Variants in CNST observed in about 807,000 individuals in gnomAD.
CNST encodes the protein consortin.
In CNST, 39 loss-of-function variants were observed where a neutral mutation model predicts 72.4. That is an observed-to-expected ratio of 0.54 (90% CI 0.42 to 0.70). The LOEUF (loss-of-function observed/expected upper bound fraction) is 0.70. CNST is among the 30% of genes least tolerant of loss of function. The probability of loss-of-function intolerance (pLI) is 0.00; values close to 1 mark genes in which losing one functional copy is unlikely to be tolerated. For synonymous variants in CNST, 332 were observed against 320.1 expected (o/e 1.04, Z -0.40); for missense variants, 871 against 868.5 (o/e 1.00, Z -0.04).
In CNST at chr1:246,591,314, C is replaced by T. The variant is rs184811843; in HGVS notation, c.-51-198C>T. On this transcript the variant is annotated intron_variant, in intron 1 of 10. Coordinates refer to ENST00000366513, the MANE Select transcript of CNST (RefSeq NM_152609.3). ...CAGGTGATCATCATGAGGAGACAGGCTTGACACCTGTAGTATTCATGTGAG... is the reference window on the plus strand; with the variant it reads ...CAGGTGATCATCATGAGGAGACAGGTTTGACACCTGTAGTATTCATGTGAG... Among the ~76,000 whole-genome samples the T allele has an allele frequency of 4.1e-3, 629 of 152,218 alleles. 1 individual carries two copies. Among genetic ancestry groups the T allele is most frequent in the Admixed American group, 0.015 (232 of 15,288 alleles).
intron 1 of CNST, among the ~76,000 whole-genome samples, chr1:246,570,476 A>G (rs1396950119): frequency 2.0e-5 from 3 of 152,254 alleles, no homozygotes; most frequent in Admixed American, 2.0e-4. Context: ...TAATACAGGA[A>G]ACATGCCCTC....
chr1:246,611,627 T>C (rs1019990752), intron 2 of CNST, among the ~76,000 whole-genome samples: 8 of 152,182 alleles, frequency 5.3e-5, no homozygotes. Flanking sequence ...AGCACAGATA[T>C]TGAAGTCTCA....
chr1:246,652,772 A>C (rs1265354758), intron 9 of CNST, among the ~76,000 whole-genome samples: 1 of 138,812 alleles, frequency 7.2e-6, no homozygotes, highest in South Asian at 2.5e-4. Context: ...TGGGAGGCCA[A>C]GGCGGGCGGA....
At chr1:246,653,949 C>A (rs543282651) in intron 9 of CNST, among the ~76,000 whole-genome samples, 1 of 152,190 alleles carries the variant, frequency 6.6e-6, no homozygotes, top group Non-Finnish European at 1.5e-5. Flanking sequence ...AAGGTTTCCA[C>A]GCCTTGTCTG....
chr1:246,640,924 G>A (rs1030052538), intron 6 of CNST, among the ~76,000 whole-genome samples: 1 of 152,120 alleles, frequency 6.6e-6, no homozygotes, highest in East Asian at 1.9e-4. Flanking sequence ...CTCTGAGCAA[G>A]GTACAAGATA....
At chr1:246,607,448 A>T (rs747370626) in intron 2 of CNST, 1 of 152,184 alleles carries the variant, frequency 6.6e-6, no homozygotes, top group Admixed American at 6.5e-5. Flanking sequence ...ACCACGGGTG[A>T]TTTTCGGGGG....
intron 6 of CNST, among the ~76,000 whole-genome samples, chr1:246,634,969 C>CGGGGTGCGTGTCTTCCGGCT (rs1553381641): frequency 6.6e-6 from 1 of 151,166 alleles, no homozygotes; most frequent in African/African-American, 2.4e-5. Flanking sequence ...GTCTTCCGGC[C>CGGGGTGCGTGTCTTCCGGCT]GGGGTGCGTG....
At chr1:246,595,792 A>T (rs1452336100) in intron 2 of CNST, among the ~76,000 whole-genome samples, 3 of 152,202 alleles carry the variant, frequency 2.0e-5, no homozygotes, top group African/African-American at 4.8e-5. Context: ...AAAATAAAGT[A>T]AATTTATTCA....
intron 6 of CNST, among the ~76,000 whole-genome samples, chr1:246,636,292 G>A (rs1375605030): frequency 2.0e-5 from 3 of 152,048 alleles, no homozygotes; most frequent in Admixed American, 6.6e-5. Flanking sequence ...GGATATGCAC[G>A]CCGTCCCTCT....
chr1:246,623,029 G>T (rs1052407309), intron 3 of CNST, among the ~76,000 whole-genome samples: 3 of 152,034 alleles, frequency 2.0e-5, no homozygotes, highest in Admixed American at 6.6e-5. Context: ...CACCATGTTG[G>T]CCAGGCTGGT....
intron 1 of CNST, among the ~76,000 whole-genome samples, chr1:246,589,694 T>A (rs1176252336): frequency 1.3e-5 from 2 of 152,234 alleles, no homozygotes; most frequent in Admixed American, 6.5e-5. Flanking sequence ...TGCCATACTG[T>A]CTTCCACAAT....
chr1:246,650,294 T>C (rs1325080564), intron 9 of CNST, among the ~76,000 whole-genome samples: 1 of 152,202 alleles, frequency 6.6e-6, no homozygotes, highest in East Asian at 1.9e-4. Flanking sequence ...CATAATGGTC[T>C]CCTTTCCTAA....
At chr1:246,657,683 A>C (rs1666844814) in intron 9 of CNST, among the ~76,000 whole-genome samples, 1 of 152,192 alleles carries the variant, frequency 6.6e-6, no homozygotes. Context: ...TGACTTCCAC[A>C]GCCAAACACC....
chr1:246,642,763 A>G (rs189777560), intron 8 of CNST, among the ~76,000 whole-genome samples: 10 of 138,280 alleles, frequency 7.2e-5, no homozygotes, highest in African/African-American at 2.8e-4. Flanking sequence ...GAGCCCTAAT[A>G]TTGAAGAGGA....
intron 2 of CNST, among the ~76,000 whole-genome samples, chr1:246,610,242 C>G (rs1663218813): frequency 1.3e-5 from 2 of 152,168 alleles, no homozygotes; most frequent in South Asian, 4.1e-4. Context: ...GATCGTGCCA[C>G]TGCACTCCAG....
intron 9 of CNST, among the ~76,000 whole-genome samples, chr1:246,653,301 T>G (rs960009692): frequency 1.3e-5 from 2 of 152,216 alleles, no homozygotes; most frequent in African/African-American, 4.8e-5. Context: ...TCAGGGAAGT[T>G]ACTTTACGAC....
intron 1 of CNST, among the ~76,000 whole-genome samples, chr1:246,590,342 G>T (rs1471699850): frequency 1.3e-5 from 2 of 152,108 alleles, no homozygotes; most frequent in African/African-American, 4.8e-5. Context: ...TAGGTCAGGG[G>T]TTAATATTAT....
intron 1 of CNST, among the ~76,000 whole-genome samples, chr1:246,583,942 C>CT (rs965942687): frequency 3.3e-5 from 5 of 151,728 alleles, no homozygotes; most frequent in African/African-American, 4.8e-5. Flanking sequence ...TGTAACTGTA[C>CT]TTTTTTTTTC....
intron 1 of CNST, among the ~76,000 whole-genome samples, chr1:246,583,607 A>C (rs962481045): frequency 6.6e-6 from 1 of 152,130 alleles, no homozygotes; most frequent in African/African-American, 2.4e-5. Flanking sequence ...TGTTGTAGAC[A>C]CTCAAAATTG....
Sources: gnomAD v4.1 joint callset for allele counts (sites outside exome capture counted in the v4.1 genomes callset) on GRCh38, gnomAD v4.1.1 for gene constraint, MANE v1.5 for transcripts, NCBI Gene and HGNC (gene_info 2026-07-23, HGNC 2026-07-21) for gene names.